The following NKAIN3 variants were observed in gnomAD, a reference collection of about 807,000 sequenced individuals.
NKAIN3 encodes the protein sodium/potassium-transporting ATPase subunit beta-1-interacting protein 3.
In NKAIN3, 25 loss-of-function variants were observed where a neutral mutation model predicts 30.2. The observed-to-expected ratio is 0.83, with a 90% CI of 0.60 to 1.16. The LOEUF (loss-of-function observed/expected upper bound fraction) is 1.16. Ranked by LOEUF, NKAIN3 falls within the 50% of genes most tolerant of loss-of-function variation. The pLI is 0.00. For synonymous variants in NKAIN3, 91 were observed against 89.6 expected, an observed-to-expected ratio of 1.02 and a Z score of -0.09; for missense variants, 225 against 254.1, an observed-to-expected ratio of 0.89 and a Z score of 0.78.
intron 5 of NKAIN3, chr8:62,999,226 T>A (rs1804196297): frequency 6.6e-6 from 1 of 152,276 alleles, no homozygotes; most frequent in African/African-American, 2.4e-5. Context: ...CTCATGCTTC[T>A]GCAGGGTGTA....
chr8:62,539,767 G>A (rs1415252857), intron 1 of NKAIN3, among the ~76,000 whole-genome samples: 1 of 152,066 alleles, frequency 6.6e-6, no homozygotes, highest in Non-Finnish European at 1.5e-5. Context: ...TTTTAGTAGA[G>A]ACAAGGTATC....
chr8:62,930,332 C>A (rs1347055206), intron 5 of NKAIN3, among the ~76,000 whole-genome samples: 1 of 152,120 alleles, frequency 6.6e-6, no homozygotes, highest in Non-Finnish European at 1.5e-5. Flanking sequence ...TAGCTCACTG[C>A]AACCTCCGCC....
intron 1 of NKAIN3, among the ~76,000 whole-genome samples, chr8:62,509,027 A>G (rs1000323448): frequency 3.3e-5 from 5 of 152,154 alleles, no homozygotes; most frequent in African/African-American, 1.2e-4. Flanking sequence ...TGAGAAGGTC[A>G]CTTTCTCTGC....
At chr8:62,881,109 A>T (rs898900629) in intron 4 of NKAIN3, among the ~76,000 whole-genome samples, 5 of 152,230 alleles carry the variant, frequency 3.3e-5, no homozygotes, top group Non-Finnish European at 5.9e-5. Context: ...ATTGAACATC[A>T]TCATTACCAA....
At chr8:62,902,017 T>C (rs1262211858) in intron 4 of NKAIN3, among the ~76,000 whole-genome samples, 1 of 152,144 alleles carries the variant, frequency 6.6e-6, no homozygotes, top group Non-Finnish European at 1.5e-5. Context: ...TGTCAGTCTG[T>C]ATGCCCAGAG....
chr8:62,955,183 G>A (rs1214435600), intron 6 of NKAIN3, among the ~76,000 whole-genome samples: 1 of 152,086 alleles, frequency 6.6e-6, no homozygotes, highest in Non-Finnish European at 1.5e-5. Context: ...AGTAAACATA[G>A]CTCACAGGAA....
chr8:62,470,655 A>G (rs1806301821), intron 1 of NKAIN3, among the ~76,000 whole-genome samples: 1 of 152,160 alleles, frequency 6.6e-6, no homozygotes, highest in African/African-American at 2.4e-5. Context: ...GACAATGAAA[A>G]TACTGAAACA....
chr8:62,610,381 G>A (rs1235617370), intron 3 of NKAIN3, among the ~76,000 whole-genome samples: 2 of 151,376 alleles, frequency 1.3e-5, no homozygotes, highest in Non-Finnish European at 2.9e-5. Flanking sequence ...ATGAGGGGGT[G>A]ACAGTGGCTG....
intron 1 of NKAIN3, among the ~76,000 whole-genome samples, chr8:62,416,724 G>T (rs1183646498): frequency 6.6e-6 from 1 of 152,032 alleles, no homozygotes; most frequent in Non-Finnish European, 1.5e-5. Flanking sequence ...GCCAGGCATG[G>T]TAGCTCACGC....
intron 1 of NKAIN3, among the ~76,000 whole-genome samples, chr8:62,450,566 G>C (rs1441651082): frequency 6.6e-6 from 1 of 152,186 alleles, no homozygotes; most frequent in Non-Finnish European, 1.5e-5. Flanking sequence ...AAACTGCTCA[G>C]TGAGGGAGTA....
intron 1 of NKAIN3, among the ~76,000 whole-genome samples, chr8:62,285,085 C>T (rs1247662069): frequency 6.6e-6 from 1 of 152,146 alleles, no homozygotes; most frequent in Admixed American, 6.6e-5. Context: ...TCCTGGGGCT[C>T]TTCAATACTC....
intron 6 of NKAIN3, among the ~76,000 whole-genome samples, chr8:62,964,537 AGTGT>A (rs56313500): frequency 0.1 from 13,306 of 133,012 alleles, 655 homozygotes; most frequent in African/African-American, 0.12. Context: ...AGAGAGAGAG[AGTGT>A]GTGTGTGTGT....
intron 1 of NKAIN3, among the ~76,000 whole-genome samples, chr8:62,445,093 G>A (rs1305112381): frequency 6.6e-6 from 1 of 152,060 alleles, no homozygotes; most frequent in South Asian, 2.1e-4. Context: ...CTACAGGCAT[G>A]CACCACCATG....
intron 4 of NKAIN3, among the ~76,000 whole-genome samples, chr8:62,814,237 C>A (rs1312757811): frequency 6.6e-6 from 1 of 151,596 alleles, no homozygotes; most frequent in Non-Finnish European, 1.5e-5. Flanking sequence ...GTTTTTAATG[C>A]CTTTCCCCAC....
At chr8:62,872,603 T>C (rs1179439160) in intron 4 of NKAIN3, among the ~76,000 whole-genome samples, 1 of 152,200 alleles carries the variant, frequency 6.6e-6, no homozygotes, top group African/African-American at 2.4e-5. Context: ...CATTGTGTGA[T>C]TTTGTTTTTT....
At chr8:62,948,290 C>A (rs1387126094) in intron 5 of NKAIN3, among the ~76,000 whole-genome samples, 1 of 151,702 alleles carries the variant, frequency 6.6e-6, no homozygotes, top group Admixed American at 6.6e-5. Flanking sequence ...ACCTCCTCCT[C>A]GAGGGTTCAA....
chr8:62,500,500 AGAAAGAAG>A (rs1263185160), intron 1 of NKAIN3, among the ~76,000 whole-genome samples: 1 of 146,216 alleles, frequency 6.8e-6, no homozygotes, highest in African/African-American at 2.6e-5. Context: ...AAAGAAAGAA[AGAAAGAAG>A]GAAAGAAAGA....
At chr8:62,722,635 C>T (rs1406363258) in intron 3 of NKAIN3, among the ~76,000 whole-genome samples, 1 of 152,054 alleles carries the variant, frequency 6.6e-6, no homozygotes, top group African/African-American at 2.4e-5. Flanking sequence ...TCCATGGAGA[C>T]GTGAAGAGAG....
chr8:62,502,627 C>A (rs1359893839), intron 1 of NKAIN3, among the ~76,000 whole-genome samples: 8 of 151,948 alleles, frequency 5.3e-5, no homozygotes, highest in Non-Finnish European at 1.0e-4. Flanking sequence ...TCTTGGTATT[C>A]TCTGTCCCTA....
Sources: gnomAD v4.1 joint callset for allele counts (sites outside exome capture counted in the v4.1 genomes callset) on GRCh38, gnomAD v4.1.1 for gene constraint, MANE v1.5 for transcripts, NCBI Gene and HGNC (gene_info 2026-07-23, HGNC 2026-07-21) for gene names.